The following BLTP1 variants were observed in gnomAD, a reference collection of about 807,000 sequenced individuals.
BLTP1 encodes fragile site-associated protein.
chr4:122,209,024 T>C, the BLTP1 span: 1 of 824,628 alleles, frequency 1.2e-6, no homozygotes, highest in Non-Finnish European at 1.6e-6. Context: ...TACAATAAAA[T>C]AAAAATAAAT....
the BLTP1 span, chr4:122,211,005 A>G: frequency 6.2e-7 from 1 of 1,611,966 alleles, no homozygotes; most frequent in Non-Finnish European, 8.5e-7. Context: ...CAGAACTTCC[A>G]CCTGATAAAC....
the BLTP1 span, chr4:122,227,339 C>T: frequency 1.0e-6 from 1 of 985,664 alleles, no homozygotes. Context: ...AATATCTTCA[C>T]AAGGGTTGCA....
chr4:122,252,783 C>T, the BLTP1 span, among the ~76,000 whole-genome samples: 1 of 152,234 alleles, frequency 6.6e-6, no homozygotes, highest in Non-Finnish European at 1.5e-5. Flanking sequence ...GCTGATTGTA[C>T]AGCTCTAGGT....
the BLTP1 span, chr4:122,153,158 C>A: frequency 4.8e-5 from 7 of 146,488 alleles, no homozygotes; most frequent in South Asian, 2.7e-4. Context: ...TAGTTGTTGT[C>A]GTTTTTTTTT....
the BLTP1 span, chr4:122,207,531 T>TTTTTTTTTTA: frequency 6.5e-7 from 1 of 1,548,184 alleles, no homozygotes. Flanking sequence ...TTTTTTTTTT[T>TTTTTTTTTTA]CTTTTGTAGT....
the BLTP1 span, among the ~76,000 whole-genome samples, chr4:122,321,446 A>C: frequency 8.4e-6 from 1 of 118,950 alleles, no homozygotes; most frequent in African/African-American, 3.2e-5. Flanking sequence ...ACACATGCAC[A>C]CACATTTATA....
the BLTP1 span, among the ~76,000 whole-genome samples, chr4:122,295,085 CAA>C: frequency 6.6e-6 from 1 of 152,076 alleles, no homozygotes; most frequent in Non-Finnish European, 1.5e-5. Context: ...AAGGAACAAA[CAA>C]AACCTCTGAG....
chr4:122,179,042 G>A, the BLTP1 span, among the ~76,000 whole-genome samples: 1 of 152,136 alleles, frequency 6.6e-6, no homozygotes, highest in African/African-American at 2.4e-5. Context: ...GCTTTGGGAG[G>A]CTGAGGTGGG....
chr4:122,356,816 A>G, the BLTP1 span: 1 of 1,566,360 alleles, frequency 6.4e-7, no homozygotes, highest in East Asian at 2.2e-5. Flanking sequence ...TGCCATTTAC[A>G]TGAATTGTTA....
chr4:122,343,247 T>A, the BLTP1 span: 1 of 475,530 alleles, frequency 2.1e-6, no homozygotes, highest in Non-Finnish European at 2.8e-6. Flanking sequence ...TAAGTCTTTA[T>A]TTCAGTTTTA....
At chr4:122,170,713 A>G in the BLTP1 span, 2 of 1,599,296 alleles carry the variant, frequency 1.3e-6, no homozygotes, top group Non-Finnish European at 1.7e-6. Context: ...TTCTTACAGA[A>G]CACAATTCCA....
chr4:122,221,417 A>C, the BLTP1 span, among the ~76,000 whole-genome samples: 1 of 152,132 alleles, frequency 6.6e-6, no homozygotes, highest in Non-Finnish European at 1.5e-5. Context: ...TTTTGAAATA[A>C]TTATAGTTTC....
At chr4:122,185,272 TG>T in the BLTP1 span, 2 of 980,200 alleles carry the variant, frequency 2.0e-6, no homozygotes, top group African/African-American at 3.5e-5. Context: ...TATCCGTAAA[TG>T]TTTGAATTTG....
chr4:122,255,185 G>T, the BLTP1 span: 60 of 1,610,918 alleles, frequency 3.7e-5, no homozygotes, highest in Non-Finnish European at 5.0e-5. Flanking sequence ...TACAAAAGTT[G>T]CTCGCTTTCT....
At chr4:122,228,958 A>G in the BLTP1 span, 2 of 236,818 alleles carry the variant, frequency 8.4e-6, no homozygotes, top group Non-Finnish European at 1.4e-5. Context: ...ATAACACTTT[A>G]ACTGCTGATT....
the BLTP1 span, chr4:122,204,367 A>T: frequency 1.1e-6 from 1 of 912,974 alleles, no homozygotes; most frequent in Non-Finnish European, 1.3e-6. Context: ...AAAATAGGAT[A>T]GTATTTTGCC....
At chr4:122,354,046 TA>T in the BLTP1 span, 1 of 1,597,958 alleles carries the variant, frequency 6.3e-7, no homozygotes, top group South Asian at 1.1e-5. Flanking sequence ...TGGAGAGATT[TA>T]TTTTGTTTTT....
the BLTP1 span, among the ~76,000 whole-genome samples, chr4:122,294,743 C>T: frequency 1.3e-5 from 2 of 152,130 alleles, no homozygotes; most frequent in Admixed American, 6.5e-5. Context: ...CCAGCAAGGG[C>T]GCAGGACTGG....
the BLTP1 span, chr4:122,353,305 T>C: frequency 6.7e-6 from 9 of 1,351,752 alleles, no homozygotes; most frequent in Non-Finnish European, 7.8e-6. This position sits in a 1 kb window ranked among gnomAD's most constrained non-coding sequence, Gnocchi z 4.3. Flanking sequence ...TTATAATGTC[T>C]GGAACATGTT....
Sources: gnomAD v4.1 joint callset for allele counts (sites outside exome capture counted in the v4.1 genomes callset) on GRCh38, gnomAD v4.1.1 for gene constraint, Gnocchi (gnomAD v3.1) non-coding constraint, MANE v1.5 for transcripts, NCBI Gene and HGNC (gene_info 2026-07-23, HGNC 2026-07-21) for gene names.